AUTS2: variants seen among roughly 807,000 people sequenced by gnomAD.
The protein encoded by AUTS2 is autism susceptibility gene 2 protein.
Under a neutral mutation model 112.4 loss-of-function variants are expected in AUTS2, and 17 were observed. The observed-to-expected ratio is 0.15, with a 90% CI of 0.10 to 0.23. The LOEUF is 0.23. Among genes scored for constraint, AUTS2 ranks in the 10% least tolerant of loss-of-function variants. The pLI is 1.00. For synonymous variants in AUTS2, 751 were observed against 702.7 expected (o/e 1.07, Z -1.09); for missense variants, 1,510 against 1,701.6 (o/e 0.89, Z 1.98).
chr7:70,532,910 A>G (rs920900025), intron 5 of AUTS2, among the ~76,000 whole-genome samples: 1 of 152,182 alleles, frequency 6.6e-6, no homozygotes, highest in Non-Finnish European at 1.5e-5. Context: ...CAGTGGACAC[A>G]TTCCTCTGTT....
Position 69,614,021 on chromosome 7 carries a change from G to A in AUTS2, c.309+14059G>A, listed in dbSNP as rs566026601. 2.0e-5 allele frequency among the ~76,000 whole-genome samples: 3 copies of A among 152,254 alleles called. No homozygotes were observed. The South Asian group carries it at 6.2e-4, about 32-fold the overall frequency. On this transcript the variant is annotated intron_variant, in intron 1 of 18. Coordinates refer to ENST00000342771, the MANE Select transcript of AUTS2 (RefSeq NM_015570.4). Reference sequence around the variant, plus strand: ...TTTATGCTACAAAGAGTATGCTAATGAATATAACTGTTAGATTTACTTCTT... The same window carrying A: ...TTTATGCTACAAAGAGTATGCTAATAAATATAACTGTTAGATTTACTTCTT...
chr7:69,981,690 A>G (rs772455477), intron 2 of AUTS2, among the ~76,000 whole-genome samples: 1 of 152,200 alleles, frequency 6.6e-6, no homozygotes, highest in Non-Finnish European at 1.5e-5. Context: ...TACACACCAC[A>G]TTAGATTTGT....
At chr7:70,323,634 G>A (rs1585017688) in intron 4 of AUTS2, among the ~76,000 whole-genome samples, 1 of 152,172 alleles carries the variant, frequency 6.6e-6, no homozygotes, top group East Asian at 1.9e-4. Context: ...AGCCAACCAT[G>A]CCACAATCCT....
rs1007416768 is a variant in AUTS2, at chr7:70,290,278, T to A, written c.661-145474T>A. ...CCAATTTTATAAAACAAATTACCAATGATGTAAAAAAAACATTTAGCACAG... is the reference window on the plus strand; with the variant it reads ...CCAATTTTATAAAACAAATTACCAAAGATGTAAAAAAAACATTTAGCACAG... On this transcript the variant is annotated intron_variant, in intron 4 of 18. Coordinates refer to ENST00000342771, the MANE Select transcript of AUTS2 (RefSeq NM_015570.4). 3 of 1,255,206 alleles carry A rather than the reference T, an allele frequency of 2.4e-6. No homozygotes were observed. The African/African-American group carries it at 4.7e-5, about 20-fold the overall frequency. 77.8% of individuals were successfully genotyped at this position (1,255,206 alleles called of 1,614,324 possible).
chr7:70,211,282 T>C (rs546076986), intron 4 of AUTS2, among the ~76,000 whole-genome samples: 1 of 152,290 alleles, frequency 6.6e-6, no homozygotes, highest in East Asian at 1.9e-4. Context: ...GTCTTCTTAC[T>C]GTTCTTTCTG....
chr7:70,207,899 T>C (rs1810650178), intron 4 of AUTS2, among the ~76,000 whole-genome samples: 1 of 150,070 alleles, frequency 6.7e-6, no homozygotes, highest in African/African-American at 2.5e-5. Flanking sequence ...TAATCCCAGA[T>C]ACTTGGGAGG....
intron 4 of AUTS2, among the ~76,000 whole-genome samples, chr7:70,207,495 A>G (rs1295826145): frequency 2.0e-5 from 3 of 152,266 alleles, no homozygotes. Context: ...AGTATTATGC[A>G]GGAGTAAGAA....
intron 3 of AUTS2, among the ~76,000 whole-genome samples, chr7:70,125,837 C>T (rs182037181): frequency 1.3e-5 from 2 of 152,300 alleles, no homozygotes; most frequent in Non-Finnish European, 2.9e-5. Context: ...CTGTTTCATA[C>T]CTTTTGTCCA....
In AUTS2 at chr7:70,302,594, T is replaced by C. The variant is rs190390531; in HGVS notation, c.661-133158T>C. On this transcript the variant is annotated intron_variant, in intron 4 of 18. Coordinates refer to ENST00000342771, the MANE Select transcript of AUTS2 (RefSeq NM_015570.4). ...CACTCTTGAAATCTTCCTGTCCTTT[T>C]GCTCTTATCCTACCTGGCCATCTAT... 3.8e-4 allele frequency among the ~76,000 whole-genome samples: 58 copies of C among 150,874 alleles called. 1 individual carries two copies. The highest frequency in any genetic ancestry group is 6.3e-4 in the South Asian group (3 of 4,728).
intron 4 of AUTS2, among the ~76,000 whole-genome samples, chr7:70,180,598 G>C (rs1390394790): frequency 6.6e-6 from 1 of 151,954 alleles, no homozygotes; most frequent in Non-Finnish European, 1.5e-5. Flanking sequence ...TCTTAGGCCG[G>C]GCTTTTGGTC....
intron 5 of AUTS2, among the ~76,000 whole-genome samples, chr7:70,604,327 A>G (rs930624746): frequency 6.6e-6 from 1 of 152,196 alleles, no homozygotes; most frequent in African/African-American, 2.4e-5. Flanking sequence ...CACAGCATGC[A>G]TGAGCTACTG....
chr7:69,621,213 G>A (rs531596534), intron 1 of AUTS2, among the ~76,000 whole-genome samples: 1 of 152,272 alleles, frequency 6.6e-6, no homozygotes, highest in Admixed American at 6.5e-5. Context: ...CAGGCACATA[G>A]AGTTTACACC....
chr7:69,766,679 C>A (rs941188656), intron 1 of AUTS2, among the ~76,000 whole-genome samples: 2 of 152,180 alleles, frequency 1.3e-5, no homozygotes, highest in Non-Finnish European at 2.9e-5. Context: ...ACACCTCAGC[C>A]ACTTTCCATG....
At chr7:70,226,986 G>A (rs1411056712) in intron 4 of AUTS2, among the ~76,000 whole-genome samples, 2 of 152,094 alleles carry the variant, frequency 1.3e-5, no homozygotes, top group Admixed American at 1.3e-4. Flanking sequence ...AGCTAAAAGG[G>A]GTTGGGGTGA....
intron 2 of AUTS2, among the ~76,000 whole-genome samples, chr7:70,002,410 A>T: frequency 6.6e-6 from 1 of 152,142 alleles, no homozygotes; most frequent in East Asian, 1.9e-4. Context: ...ATCATAAATA[A>T]TCTATCCTTG....
intron 4 of AUTS2, among the ~76,000 whole-genome samples, chr7:70,328,390 TA>T (rs1410072695): frequency 1.3e-5 from 2 of 152,008 alleles, no homozygotes; most frequent in Non-Finnish European, 2.9e-5. Flanking sequence ...CCTGGTTTAT[TA>T]TTTTTTTTTT....
At position 69,714,168 on chromosome 7, in the gene AUTS2, C is replaced by T. The variant is rs372307456; in HGVS notation, c.309+114206C>T. ...CTTGACCTCCTGGGTTCAAGTGATC[C>T]TCCCACATCATCCCCTCAAGCTGTA... is the stretch of plus-strand genomic sequence containing the variant. On this transcript the variant is annotated intron_variant, in intron 1 of 18. Transcript: ENST00000342771. Among the ~76,000 whole-genome samples, 6 of 151,792 alleles carry T rather than the reference C, an allele frequency of 4.0e-5. No homozygotes were observed. In the East Asian group the frequency reaches 9.7e-4, roughly 25 times the overall value.
intron 5 of AUTS2, among the ~76,000 whole-genome samples, chr7:70,442,892 C>CTTCATCATAT (rs1796177665): frequency 6.6e-6 from 1 of 152,132 alleles, no homozygotes; most frequent in Non-Finnish European, 1.5e-5. Context: ...TTTTATTGTT[C>CTTCATCATAT]TTCCAAAATC....
At chr7:70,279,852 C>T (rs1431217321) in intron 4 of AUTS2, among the ~76,000 whole-genome samples, 4 of 152,166 alleles carry the variant, frequency 2.6e-5, no homozygotes, top group African/African-American at 9.7e-5. Flanking sequence ...CTGATGCCCC[C>T]TTCCATTGTA....
Sources: allele counts gnomAD v4.1 joint callset (sites outside exome capture counted in the v4.1 genomes callset), GRCh38; gene constraint gnomAD v4.1.1; transcripts MANE v1.5; gene names NCBI Gene and HGNC (gene_info 2026-07-23, HGNC 2026-07-21).